The following EVL variants were observed in gnomAD, a reference collection of about 807,000 sequenced individuals.
EVL encodes Enah/Vasp-like, also known as ena/VASP-like protein.
In EVL, 21 loss-of-function variants were observed where a neutral mutation model predicts 59.6. The ratio of observed to expected loss-of-function variants is 0.35; its 90% CI spans 0.25 to 0.51. The LOEUF is 0.51. Ranked by LOEUF, EVL falls within the 20% of genes least tolerant of loss-of-function variation. The pLI is 0.97. For missense variants in EVL, 462 were observed against 546.6 expected (o/e 0.85, Z 1.54); for synonymous variants, 198 against 203.5 (o/e 0.97, Z 0.23).
In EVL at chr14:100,080,959, A is replaced by C. The variant is rs79113405; in HGVS notation, c.12-3728A>C. On this transcript the variant is annotated intron_variant, in intron 1 of 13. Transcript: ENST00000392920. ...ATTCATTTATTCAATAAATAATTTA[A>C]GAAAATATTTGCCTATCAAATTTCC... Among the ~76,000 whole-genome samples the C allele has an allele frequency of 6.1e-3, 927 of 152,344 alleles. 6 individuals carry two copies. The highest frequency in any genetic ancestry group is 0.021 in the African/African-American group (885 of 41,576).
upstream of EVL, among the ~76,000 whole-genome samples, chr14:100,062,739 G>T (rs1162459497): frequency 6.6e-6 from 1 of 152,134 alleles, no homozygotes. Context: ...AAAGTGAAAG[G>T]ATGGGTAGTA....
At chr14:100,124,854 C>T (rs1055107741) in intron 4 of EVL, among the ~76,000 whole-genome samples, 5 of 152,216 alleles carry the variant, frequency 3.3e-5, no homozygotes, top group African/African-American at 9.7e-5. Flanking sequence ...AATGGGCATA[C>T]CGCCTGGCGG....
At chr14:100,057,796 A>G (rs1401961661) in intron 1 of EVL, among the ~76,000 whole-genome samples, 2 of 152,238 alleles carry the variant, frequency 1.3e-5, no homozygotes, top group Non-Finnish European at 2.9e-5. Flanking sequence ...TAGGAGTCAA[A>G]TAATGATAGC....
intron 1 of EVL, among the ~76,000 whole-genome samples, chr14:99,999,532 T>C (rs746104122): frequency 6.6e-6 from 1 of 152,220 alleles, no homozygotes; most frequent in African/African-American, 2.4e-5. Flanking sequence ...ATGTGGTGGC[T>C]CCTGTCTATA....
At chr14:100,017,279 A>C (rs1485123464) in intron 1 of EVL, among the ~76,000 whole-genome samples, 1 of 152,188 alleles carries the variant, frequency 6.6e-6, no homozygotes, top group Non-Finnish European at 1.5e-5. Flanking sequence ...TTATACCTGC[A>C]AAAGGAGAGT....
intron 1 of EVL, among the ~76,000 whole-genome samples, chr14:100,008,829 G>A (rs1349736001): frequency 6.6e-6 from 1 of 152,136 alleles, no homozygotes; most frequent in African/African-American, 2.4e-5. Context: ...GGGGCTTTTT[G>A]TAAGAAGGAA....
intron 4 of EVL, among the ~76,000 whole-genome samples, chr14:100,124,593 C>T (rs1887909230): frequency 6.6e-6 from 1 of 152,178 alleles, no homozygotes. Context: ...CCCAGAGTAA[C>T]CAGAGAGTCA....
intron 1 of EVL, among the ~76,000 whole-genome samples, chr14:100,074,019 G>GT (rs2062106922): frequency 3.3e-5 from 5 of 151,196 alleles, no homozygotes; most frequent in African/African-American, 7.3e-5. Flanking sequence ...GGTGGGGGCG[G>GT]GGGGTCGGGG....
intron 4 of EVL, among the ~76,000 whole-genome samples, chr14:100,125,152 C>G (rs1251547766): frequency 1.8e-5 from 1 of 55,212 alleles, no homozygotes; most frequent in Admixed American, 1.7e-4. Context: ...ACACACACAC[C>G]TGCCCCAAGG....
intron 4 of EVL, among the ~76,000 whole-genome samples, chr14:100,126,304 A>G (rs779740595): frequency 5.9e-5 from 9 of 152,170 alleles, no homozygotes; most frequent in Non-Finnish European, 1.0e-4. Flanking sequence ...ACCAAAACAC[A>G]CCTGAGAACT....
At chr14:100,098,221 G>A (rs1243596342) in intron 3 of EVL, among the ~76,000 whole-genome samples, 1 of 152,316 alleles carries the variant, frequency 6.6e-6, no homozygotes, top group South Asian at 2.1e-4. Flanking sequence ...CCACAGAATA[G>A]GACATAAGTA....
chr14:100,092,283 T>G (rs1287092081), intron 2 of EVL, among the ~76,000 whole-genome samples: 1 of 152,190 alleles, frequency 6.6e-6, no homozygotes, highest in African/African-American at 2.4e-5. Context: ...ACTTTAGTTT[T>G]TCTTATATCC....
At chr14:100,057,919 C>G (rs2061759411) in intron 1 of EVL, among the ~76,000 whole-genome samples, 1 of 152,194 alleles carries the variant, frequency 6.6e-6, no homozygotes, top group Admixed American at 6.5e-5. Context: ...CTCCTTTTCT[C>G]TACTCCCAGG....
intron 1 of EVL, among the ~76,000 whole-genome samples, chr14:99,991,957 A>G (rs1455325761): frequency 4.4e-5 from 3 of 67,660 alleles, no homozygotes; most frequent in African/African-American, 1.7e-4. Context: ...TTGAGGGTCA[A>G]CTCTGTGTGT....
chr14:100,067,109 G>A (rs192927110), intron 1 of EVL, among the ~76,000 whole-genome samples: 8 of 152,102 alleles, frequency 5.3e-5, no homozygotes, highest in African/African-American at 1.7e-4. Context: ...TTTCTGGTGC[G>A]TCCCTCCCCC....
At chr14:99,986,508 G>C (rs1254361005) in intron 1 of EVL, among the ~76,000 whole-genome samples, 2 of 152,126 alleles carry the variant, frequency 1.3e-5, no homozygotes, top group Non-Finnish European at 2.9e-5. Context: ...GCAGCGCTAG[G>C]AAGGGAACCA....
At chr14:100,019,648 T>C (rs932364190) in intron 1 of EVL, 1 of 1,532,270 alleles carries the variant, frequency 6.5e-7, no homozygotes, top group Non-Finnish European at 8.7e-7. Context: ...TCTAAGGAAA[T>C]TGTCTCTGAC....
chr14:100,040,578 C>G (rs1166938957), intron 1 of EVL, among the ~76,000 whole-genome samples: 1 of 152,160 alleles, frequency 6.6e-6, no homozygotes, highest in Non-Finnish European at 1.5e-5. Context: ...GGAGGTCTTC[C>G]TTTCCTTTGC....
intron 1 of EVL, among the ~76,000 whole-genome samples, chr14:100,055,196 T>TAAA (rs34987173): frequency 1.0e-4 from 14 of 139,818 alleles, no homozygotes; most frequent in Non-Finnish European, 1.9e-4. Flanking sequence ...TGAGACTCCT[T>TAAA]AAAAAAAAAA....
Sources: gnomAD v4.1 joint callset for allele counts (sites outside exome capture counted in the v4.1 genomes callset) on GRCh38, gnomAD v4.1.1 for gene constraint, MANE v1.5 for transcripts, NCBI Gene and HGNC (gene_info 2026-07-23, HGNC 2026-07-21) for gene names.